HNRNPC: variants seen among roughly 807,000 people sequenced by gnomAD.
HNRNPC encodes the protein heterogeneous nuclear ribonucleoprotein C, also known as heterogeneous nuclear ribonucleoproteins C1/C2.
In HNRNPC, 3 loss-of-function variants were observed where a neutral mutation model predicts 33.2. That is an observed-to-expected ratio of 0.09 (90% CI 0.04 to 0.23). HNRNPC has a LOEUF of 0.23. Ranked by LOEUF, HNRNPC falls within the 10% of genes least tolerant of loss-of-function variation. HNRNPC has a pLI of 1.00. For synonymous variants in HNRNPC, 121 were observed against 126.7 expected, an observed-to-expected ratio of 0.96 and a Z score of 0.30; for missense variants, 143 against 366.7, an observed-to-expected ratio of 0.39 and a Z score of 4.98.
intron 5 of HNRNPC, among the ~76,000 whole-genome samples, chr14:21,216,054 G>A (rs527905240): frequency 6.6e-6 from 1 of 150,492 alleles, no homozygotes; most frequent in East Asian, 1.9e-4. Flanking sequence ...AAGGAAGTGG[G>A]GGTTGCAGAC....
At chr14:21,248,679 A>T (rs1896273578) in intron 2 of HNRNPC, among the ~76,000 whole-genome samples, 1 of 152,212 alleles carries the variant, frequency 6.6e-6, no homozygotes, top group South Asian at 2.1e-4. Flanking sequence ...ATATAAATTA[A>T]ACCAAGTACC....
chr14:21,230,515 C>T (rs1893990345), intron 4 of HNRNPC, 149 bp from the exon 5 acceptor site: 2 of 627,542 alleles, frequency 3.2e-6, no homozygotes, highest in Non-Finnish European at 5.8e-6. Flanking sequence ...TACAATAAAT[C>T]ACTCAATTCC....
intron 5 of HNRNPC, among the ~76,000 whole-genome samples, chr14:21,215,600 G>A (rs1892068403): frequency 6.6e-6 from 1 of 152,266 alleles, no homozygotes; most frequent in East Asian, 1.9e-4. Flanking sequence ...CACCTGAACA[G>A]ATTAAGACAA....
At chr14:21,258,763 T>G (rs1311924581) in intron 2 of HNRNPC, among the ~76,000 whole-genome samples, 3 of 152,204 alleles carry the variant, frequency 2.0e-5, no homozygotes, top group African/African-American at 7.2e-5. Context: ...TGGAGCCTCA[T>G]CAGTTCTCAA....
intron 5 of HNRNPC, among the ~76,000 whole-genome samples, chr14:21,229,809 T>C (rs1169884014): frequency 6.6e-6 from 1 of 152,240 alleles, no homozygotes; most frequent in Non-Finnish European, 1.5e-5. Flanking sequence ...TAAAGTAATA[T>C]GCTTTATATA....
At chr14:21,260,531 G>T (rs1489820107) in intron 2 of HNRNPC, among the ~76,000 whole-genome samples, 8 of 152,028 alleles carry the variant, frequency 5.3e-5, no homozygotes, top group African/African-American at 1.9e-4. Flanking sequence ...AAAAGAGATG[G>T]GGTCTCGCTG....
Position 21,242,688 on chromosome 14 carries a change from A to C in HNRNPC, c.-36-8459T>G, listed in dbSNP as rs145948244. Among the ~76,000 whole-genome samples the C allele has an allele frequency of 3.3e-5, 5 of 152,336 alleles. No individual in the cohort carries two copies. The East Asian group carries it at 9.6e-4, about 29-fold the overall frequency. On this transcript the variant is annotated intron_variant, in intron 2 of 8. Transcript: ENST00000553300. ...AATGAAGACCTGGAGGTCTCAACCT[A>C]AACTAAGGGATCATAGTTAGAAAGT...
intron 5 of HNRNPC, among the ~76,000 whole-genome samples, chr14:21,222,437 C>T (rs947102033): frequency 9.9e-5 from 15 of 151,578 alleles, no homozygotes; most frequent in South Asian, 8.3e-4. Flanking sequence ...TAAATGGAAT[C>T]GTACAATGTG....
intron 5 of HNRNPC, among the ~76,000 whole-genome samples, chr14:21,218,378 T>C (rs574205945): frequency 6.6e-6 from 1 of 152,294 alleles, no homozygotes; most frequent in African/African-American, 2.4e-5. Context: ...GTGGTGCAAT[T>C]TTATTTTTTA....
chr14:21,212,791 G>A (rs956774672), intron 6 of HNRNPC, among the ~76,000 whole-genome samples, 169 bp downstream of exon 6: 2 of 151,944 alleles, frequency 1.3e-5, no homozygotes, highest in Admixed American at 6.6e-5. Flanking sequence ...TGATCCACCC[G>A]CTGGGCCTCC....
chr14:21,260,039 C>T (rs1877930983), intron 2 of HNRNPC, among the ~76,000 whole-genome samples: 1 of 148,224 alleles, frequency 6.7e-6, no homozygotes, highest in Non-Finnish European at 1.5e-5. Context: ...CTCTACTAAA[C>T]ATACAAAAAA....
intron 2 of HNRNPC, among the ~76,000 whole-genome samples, chr14:21,259,896 A>AAT (rs934144994): frequency 1.3e-5 from 2 of 150,700 alleles, no homozygotes; most frequent in African/African-American, 4.9e-5. Context: ...AAAAAAAAAA[A>AAT]ACAATAAAAA....
intron 2 of HNRNPC, among the ~76,000 whole-genome samples, chr14:21,252,797 T>C (rs1896813257): frequency 6.6e-6 from 1 of 152,168 alleles, no homozygotes; most frequent in African/African-American, 2.4e-5. Flanking sequence ...ACAAAAAGGC[T>C]GGCCAAGGAT....
intron 2 of HNRNPC, among the ~76,000 whole-genome samples, chr14:21,255,500 A>C (rs941063138): frequency 6.6e-6 from 1 of 152,210 alleles, no homozygotes; most frequent in Non-Finnish European, 1.5e-5. Context: ...TGCTAACTCG[A>C]CTCTATCACA....
intron 5 of HNRNPC, among the ~76,000 whole-genome samples, chr14:21,220,363 T>C (rs1032942265): frequency 7.3e-5 from 11 of 151,678 alleles, no homozygotes; most frequent in Non-Finnish European, 1.6e-4. Flanking sequence ...CTCAGCCTTG[T>C]ACTACAGGCG....
At chr14:21,265,061 C>G (rs1433759778) in intron 1 of HNRNPC, 1 of 152,088 alleles carries the variant, frequency 6.6e-6, no homozygotes, top group Non-Finnish European at 1.5e-5. Context: ...CTTGAGCCAA[C>G]TATACATGAA....
rs1479690030 is a variant in HNRNPC at position 21,218,683 on chromosome 14, A to AAG, written c.366-5567_366-5566insCT. On this transcript the variant is annotated intron_variant, in intron 5 of 8. Transcript: ENST00000553300. The stretch of plus-strand genomic sequence containing the variant: ...GGAGACAAAGCGAAACTCTCTCTCA[A>AAG]AAAAAAAAAAAAAAAAAAAAAAAAA... Among the ~76,000 whole-genome samples, 63 of 95,114 alleles carry AAG rather than the reference A, an allele frequency of 6.6e-4. 1 individual carries two copies. In the East Asian group the frequency reaches 0.02, roughly 30 times the overall value. 62.4% of individuals were successfully genotyped at this position (95,114 alleles called of 152,430 possible).
At chr14:21,254,824 T>G (rs553028680) in intron 2 of HNRNPC, among the ~76,000 whole-genome samples, 1 of 151,544 alleles carries the variant, frequency 6.6e-6, no homozygotes, top group African/African-American at 2.4e-5. Context: ...GAGAATCACT[T>G]GAATCCGGGA....
intron 1 of HNRNPC, among the ~76,000 whole-genome samples, chr14:21,267,704 GAATT>G (rs1162848177): frequency 3.9e-5 from 6 of 152,122 alleles, no homozygotes; most frequent in African/African-American, 1.4e-4. Flanking sequence ...TTAACTCAAA[GAATT>G]TTTGGTGCGC....
Sources: allele counts gnomAD v4.1 joint callset (sites outside exome capture counted in the v4.1 genomes callset), GRCh38; gene constraint gnomAD v4.1.1; transcripts MANE v1.5; gene names NCBI Gene and HGNC (gene_info 2026-07-23, HGNC 2026-07-21).